The following DNAJC15 variants were observed in gnomAD, a reference collection of about 807,000 sequenced individuals.
The protein encoded by DNAJC15 is DnaJ heat shock protein family (Hsp40) member C15.
In DNAJC15, 27 loss-of-function variants were observed where a neutral mutation model predicts 22.4. That is an observed-to-expected ratio of 1.20 (90% CI 0.89 to 1.66). The LOEUF (loss-of-function observed/expected upper bound fraction) is 1.66. Among genes scored for constraint, DNAJC15 ranks in the 40% most tolerant of loss-of-function variants. DNAJC15 has a pLI of 0.00. For synonymous variants in DNAJC15, 79 were observed against 63.2 expected, an observed-to-expected ratio of 1.25 and a Z score of -1.19; for missense variants, 208 against 187.1, an observed-to-expected ratio of 1.11 and a Z score of -0.65.
intron 5 of DNAJC15, among the ~76,000 whole-genome samples, chr13:43,106,199 T>C (rs1593334677): frequency 6.6e-6 from 1 of 152,198 alleles, no homozygotes; most frequent in Non-Finnish European, 1.5e-5. Flanking sequence ...TGAGACCTTA[T>C]GATATTTTCA....
chr13:43,055,256 T>C (rs1200959697), intron 1 of DNAJC15, among the ~76,000 whole-genome samples: 1 of 151,116 alleles, frequency 6.6e-6, no homozygotes, highest in Non-Finnish European at 1.5e-5. Flanking sequence ...AAAAAAACTC[T>C]GCTCTATAAA....
At chr13:43,039,192 T>G (rs2040442161) in intron 1 of DNAJC15, among the ~76,000 whole-genome samples, 1 of 152,230 alleles carries the variant, frequency 6.6e-6, no homozygotes, top group South Asian at 2.1e-4. Flanking sequence ...GCAAGTCATG[T>G]AACTTCTCGG....
At chr13:43,084,930 T>C (rs1251802253) in intron 4 of DNAJC15, among the ~76,000 whole-genome samples, 2 of 152,216 alleles carry the variant, frequency 1.3e-5, no homozygotes, top group Non-Finnish European at 2.9e-5. Context: ...TTCCAGGTAC[T>C]GTTCTAACAT....
intron 4 of DNAJC15, among the ~76,000 whole-genome samples, chr13:43,085,533 AATTG>A (rs1251420993): frequency 1.3e-5 from 2 of 152,138 alleles, no homozygotes; most frequent in Non-Finnish European, 2.9e-5. Flanking sequence ...TTGTTTTTTA[AATTG>A]ATTGAGAATA....
intron 1 of DNAJC15, among the ~76,000 whole-genome samples, chr13:43,051,976 T>C (rs143813848): frequency 6.6e-6 from 1 of 152,034 alleles, no homozygotes; most frequent in Non-Finnish European, 1.5e-5. Context: ...ATTATTATTA[T>C]TTTTTTGAGA....
chr13:43,042,644 G>A (rs927423287), intron 1 of DNAJC15, among the ~76,000 whole-genome samples: 2 of 152,224 alleles, frequency 1.3e-5, no homozygotes, highest in South Asian at 2.1e-4. Context: ...CTGTGGTGGT[G>A]TAGCTGGCAA....
chr13:43,061,007 G>A (rs967523526), intron 1 of DNAJC15, among the ~76,000 whole-genome samples: 6 of 152,174 alleles, frequency 3.9e-5, no homozygotes, highest in African/African-American at 1.2e-4. Flanking sequence ...AAGGGATGGG[G>A]CCTGAGAAAT....
At chr13:43,097,190 C>T (rs978664772) in intron 5 of DNAJC15, among the ~76,000 whole-genome samples, 6 of 152,116 alleles carry the variant, frequency 3.9e-5, no homozygotes, top group Non-Finnish European at 7.4e-5. Flanking sequence ...TTACTTATAG[C>T]CTTCTTAGAA....
intron 2 of DNAJC15, among the ~76,000 whole-genome samples, chr13:43,066,237 G>A (rs12429501): frequency 0.078 from 11,824 of 150,662 alleles, 530 homozygotes; most frequent in Admixed American, 0.11. Context: ...TACGTTTTTC[G>A]AAAGAATAGT....
At chr13:43,046,968 A>T (rs1041019024) in intron 1 of DNAJC15, among the ~76,000 whole-genome samples, 2 of 152,178 alleles carry the variant, frequency 1.3e-5, no homozygotes, top group Non-Finnish European at 2.9e-5. Flanking sequence ...GCTGGGTTCC[A>T]CCGTTCTCTT....
intron 1 of DNAJC15, among the ~76,000 whole-genome samples, chr13:43,030,221 T>G (rs1188080806): frequency 6.6e-6 from 1 of 152,206 alleles, no homozygotes; most frequent in Non-Finnish European, 1.5e-5. Flanking sequence ...TCAATTAAAT[T>G]CATTTTAATA....
chr13:43,085,908 C>T (rs1593327110), intron 5 of DNAJC15, 70 bp downstream of exon 5: 1 of 1,367,764 alleles, frequency 7.3e-7, no homozygotes. Flanking sequence ...AGATTAAAGT[C>T]ATATATGATA....
chr13:43,079,109 T>C (rs1356627510), intron 4 of DNAJC15, among the ~76,000 whole-genome samples: 2 of 152,212 alleles, frequency 1.3e-5, no homozygotes, highest in African/African-American at 4.8e-5. Context: ...TTGTTTCACC[T>C]TAGTATCCTT....
chr13:43,065,722 G>A lies in DNAJC15; in HGVS notation c.145G>A (p.Ala49Thr), dbSNP rs760240266. Residue 49 changes from alanine (A) to threonine (T), a missense_variant, in exon 2 of 6, where the codon GCT becomes ACT. Coordinates refer to ENST00000379221, the MANE Select transcript of DNAJC15 (RefSeq NM_013238.3). Reference protein sequence around the residue: ...SLIAVGLGVAALAFAGRYAFR... With the variant: ...SLIAVGLGVATLAFAGRYAFR... The stretch of plus-strand genomic sequence containing the variant: ...GATAGCTGTAGGACTGGGTGTTGCA[G>A]CTCTTGCATTTGCAGGTAAGATAAA... 2 of 1,613,116 alleles carry A rather than the reference G, an allele frequency of 1.2e-6. No homozygotes were observed. The highest frequency in any genetic ancestry group is 8.5e-7 in the Non-Finnish European group (1 of 1,179,676).
At chr13:43,085,179 T>C (rs2040681603) in intron 4 of DNAJC15, among the ~76,000 whole-genome samples, 1 of 152,024 alleles carries the variant, frequency 6.6e-6, no homozygotes, top group African/African-American at 2.4e-5. Context: ...CTGGACAACA[T>C]GATGAAACCC....
intron 1 of DNAJC15, among the ~76,000 whole-genome samples, chr13:43,064,195 C>T (rs1293008202): frequency 2.0e-5 from 3 of 152,172 alleles, no homozygotes; most frequent in African/African-American, 7.2e-5. Context: ...AAAGTCCTTC[C>T]TCTTGTCCTC....
chr13:43,081,040 T>C (rs1052711627), intron 4 of DNAJC15, among the ~76,000 whole-genome samples: 17 of 152,218 alleles, frequency 1.1e-4, no homozygotes, highest in African/African-American at 3.9e-4. Flanking sequence ...AAAAATACTG[T>C]ATGTGTTCTA....
At chr13:43,078,789 G>A (rs1320377715) in intron 4 of DNAJC15, 101 bp downstream of exon 4, 2 of 932,538 alleles carry the variant, frequency 2.1e-6, no homozygotes, top group Non-Finnish European at 1.5e-6. Flanking sequence ...AAAATTATGA[G>A]TAGGTGGCAG....
intron 5 of DNAJC15, among the ~76,000 whole-genome samples, chr13:43,097,670 G>T (rs926513262): frequency 2.0e-5 from 3 of 152,184 alleles, no homozygotes; most frequent in South Asian, 2.1e-4. Flanking sequence ...CGGTACGGTG[G>T]CTCATTCCTG....
Sources: gnomAD v4.1 joint callset for allele counts (sites outside exome capture counted in the v4.1 genomes callset) on GRCh38, gnomAD v4.1.1 for gene constraint, MANE v1.5 for transcripts, NCBI Gene and HGNC (gene_info 2026-07-23, HGNC 2026-07-21) for gene names.